CRK: variants seen among roughly 807,000 people sequenced by gnomAD.
CRK encodes adapter molecule crk.
A neutral mutation model predicts 29.8 loss-of-function variants in CRK; 4 were observed. The ratio of observed to expected loss-of-function variants is 0.13; its 90% CI spans 0.07 to 0.31. CRK has a LOEUF of 0.31. Ranked by LOEUF, CRK falls within the 10% of genes least tolerant of loss-of-function variation. The probability of loss-of-function intolerance (pLI) is 1.00; values close to 1 mark genes in which losing one functional copy is unlikely to be tolerated. For synonymous variants in CRK, 153 were observed against 164.9 expected, an observed-to-expected ratio of 0.93 and a Z score of 0.55; for missense variants, 274 against 396.5, an observed-to-expected ratio of 0.69 and a Z score of 2.62.
intron 2 of CRK, 62 bp from the exon 3 acceptor site, chr17:1,423,712 C>T: frequency 1.3e-6 from 2 of 1,596,464 alleles, no homozygotes. Flanking sequence ...TGAACAACTC[C>T]ATTCTCTGGT....
intron 1 of CRK, among the ~76,000 whole-genome samples, chr17:1,439,183 C>A (rs901631734): frequency 6.6e-6 from 1 of 152,152 alleles, no homozygotes; most frequent in Non-Finnish European, 1.5e-5. Context: ...GCAAGCTTCG[C>A]CTCCCGGGTT....
At chr17:1,428,146 T>A (rs1467811081) in intron 2 of CRK, among the ~76,000 whole-genome samples, 3 of 151,176 alleles carry the variant, frequency 2.0e-5, no homozygotes, top group Admixed American at 2.0e-4. Context: ...TAATGGAGTT[T>A]TTGCTCTTGT....
chr17:1,442,019 ATTT>A (rs772641577), intron 1 of CRK, among the ~76,000 whole-genome samples: 148,307 of 151,766 alleles, frequency 0.98, 72,436 homozygotes, highest in East Asian at 1. Flanking sequence ...CCATGCCTGT[ATTT>A]TTTTTTGTAT....
Position 1,423,514 on chromosome 17 carries a change from C to A in CRK, c.914G>T (p.Ter305LeuextTer2). 6.2e-7 allele frequency: 1 copy of A among 1,613,446 alleles called. No homozygotes were observed. Among genetic ancestry groups the A allele is most frequent in the Non-Finnish European group, 8.5e-7 (1 of 1,179,754 alleles). Residue 305 changes from the stop codon to leucine (L), a stop_lost, in exon 3 of 3, where the codon TGA (stop) becomes TTA (leucine). Coordinates refer to ENST00000300574, the MANE Select transcript of CRK (RefSeq NM_016823.4). ...DQQNPDEDFS[*>L] The stretch of plus-strand genomic sequence containing the variant: ...GTCAGCAAAACTGTTGAACTATACT[C>A]AGCTGAAGTCCTCATCGGGATTCTG...
At chr17:1,427,288 C>CA (rs761351379) in intron 2 of CRK, among the ~76,000 whole-genome samples, 4,745 of 78,838 alleles carry the variant, frequency 0.06, 223 homozygotes, top group African/African-American at 0.16. Context: ...ATTCTGTCTC[C>CA]AAAAAAAAAA....
chr17:1,456,097 C>T lies in CRK; in HGVS notation c.21G>A (p.Ser7=). 6.4e-7 allele frequency: 1 copy of T among 1,555,022 alleles called. No individual in the cohort carries two copies. The highest frequency in any genetic ancestry group is 2.6e-5 in the East Asian group (1 of 37,804). The part of the protein sequence containing the change: MAGNFD[S]EERSSWYWGR... The stretch of plus-strand genomic sequence containing the variant: ...CCCAGTACCAGCTACTCCGCTCCTC[C>T]GAGTCGAAGTTGCCCGCCATGGCTG... The change falls in exon 1 of 3, where the codon TCG becomes TCA. Residue 7 remains serine, a synonymous_variant. Transcript: ENST00000300574.
At chr17:1,427,264 G>C (rs9783839) in intron 2 of CRK, among the ~76,000 whole-genome samples, 3,058 of 149,178 alleles carry the variant, frequency 0.02, 101 homozygotes, top group African/African-American at 0.072. Context: ...CCCCACCCTG[G>C]TGGAGAGACC....
intron 1 of CRK, among the ~76,000 whole-genome samples, chr17:1,442,116 G>GA (rs2073939953): frequency 6.7e-6 from 1 of 150,262 alleles, no homozygotes; most frequent in South Asian, 2.1e-4. Context: ...CTCTGCCTCC[G>GA]AAAGTGCTGG....
chr17:1,447,248 C>T (rs2073982552), intron 1 of CRK, among the ~76,000 whole-genome samples: 1 of 152,132 alleles, frequency 6.6e-6, no homozygotes, highest in Non-Finnish European at 1.5e-5. Flanking sequence ...GTCTAGAGAA[C>T]AGAAGCAACG....
At chr17:1,439,769 G>A (rs1214692870) in intron 1 of CRK, among the ~76,000 whole-genome samples, 1 of 152,134 alleles carries the variant, frequency 6.6e-6, no homozygotes, top group Admixed American at 6.6e-5. Flanking sequence ...CTTGAGCCTG[G>A]AAGGTCAAGG....
At chr17:1,427,784 C>T (rs963099418) in intron 2 of CRK, among the ~76,000 whole-genome samples, 1 of 151,704 alleles carries the variant, frequency 6.6e-6, no homozygotes, top group Non-Finnish European at 1.5e-5. Flanking sequence ...CACAAGCCAC[C>T]ATGCCCAGCC....
At chr17:1,435,418 A>AC in intron 2 of CRK, among the ~76,000 whole-genome samples, 1 of 151,952 alleles carries the variant, frequency 6.6e-6, no homozygotes, top group South Asian at 2.1e-4. Flanking sequence ...GTCAAGAGTT[A>AC]CATCTAGTGA....
rs76288901 is a variant in CRK at position 1,423,460 on chromosome 17, G to GA, written c.*52dup. 127,475 of 1,133,596 alleles carry GA rather than the reference G, an allele frequency of 0.11. 59 individuals carry two copies. Among genetic ancestry groups the GA allele is most frequent in the East Asian group, 0.2 (7,104 of 36,338 alleles). 70.2% of individuals were successfully genotyped at this position (1,133,596 alleles called of 1,614,324 possible). Reference sequence around the variant, plus strand: ...AAGAAAATTGTATAGATGGCAGTTGGAAAAAAAAAAAAAAGATTGTTCCCA... The same window carrying GA: ...AAGAAAATTGTATAGATGGCAGTTGGAAAAAAAAAAAAAAAGATTGTTCCCA... On this transcript the variant is annotated 3_prime_UTR_variant, in exon 3 of 3. Coordinates refer to ENST00000300574, the MANE Select transcript of CRK (RefSeq NM_016823.4).
rs556863591 is a variant in CRK, at chr17:1,428,611, C to T, written c.778-4961G>A. ...TGATCTCAGCTCACTGCAACCTCTG[C>T]CTCCCAGGTTCAAGTGATTCTCCTG... On this transcript the variant is annotated intron_variant, in intron 2 of 2. Coordinates refer to ENST00000300574, the MANE Select transcript of CRK (RefSeq NM_016823.4). 4.5e-4 allele frequency among the ~76,000 whole-genome samples: 66 copies of T among 146,700 alleles called. 1 individual carries two copies. Among genetic ancestry groups the T allele is most frequent in the African/African-American group, 1.6e-3 (62 of 39,370 alleles).
chr17:1,436,565 C>T, intron 2 of CRK, 55 bp downstream of exon 2: 1 of 1,528,934 alleles, frequency 6.5e-7, no homozygotes, highest in Non-Finnish European at 8.8e-7. Flanking sequence ...TCTAAGAGGA[C>T]CGAGAGGAGA....
chr17:1,437,573 G>A (rs1270551630), intron 1 of CRK, among the ~76,000 whole-genome samples: 4 of 152,008 alleles, frequency 2.6e-5, no homozygotes, highest in South Asian at 2.1e-4. Context: ...CTTGATCAAC[G>A]ACGGGGGCTT....
chr17:1,452,517 G>A (rs1333258249), intron 1 of CRK, among the ~76,000 whole-genome samples: 2 of 152,180 alleles, frequency 1.3e-5, no homozygotes, highest in African/African-American at 4.8e-5. Flanking sequence ...CCAGGCGCTG[G>A]TGGCTCACGT....
At chr17:1,443,497 G>A (rs926701478) in intron 1 of CRK, among the ~76,000 whole-genome samples, 4 of 152,186 alleles carry the variant, frequency 2.6e-5, no homozygotes, top group South Asian at 4.1e-4. Context: ...CCAGGTTCAC[G>A]CCATTCTCCT....
intron 2 of CRK, among the ~76,000 whole-genome samples, chr17:1,434,537 C>T (rs1330001458): frequency 6.6e-6 from 1 of 152,172 alleles, no homozygotes; most frequent in Non-Finnish European, 1.5e-5. Flanking sequence ...AATCCCAGCA[C>T]TTTGGGAGGC....
Sources: gnomAD v4.1 joint callset for allele counts (sites outside exome capture counted in the v4.1 genomes callset) on GRCh38, gnomAD v4.1.1 for gene constraint, MANE v1.5 for transcripts, NCBI Gene and HGNC (gene_info 2026-07-23, HGNC 2026-07-21) for gene names.